The following SNTG1 variants were observed in gnomAD, a reference collection of about 807,000 sequenced individuals.
SNTG1 encodes the protein syntrophin gamma 1, also known as gamma-1-syntrophin.
Under a neutral mutation model 74.7 loss-of-function variants are expected in SNTG1, and 39 were observed. The ratio of observed to expected loss-of-function variants is 0.52; its 90% CI spans 0.40 to 0.68. The LOEUF is 0.68. SNTG1 is among the 30% of genes least tolerant of loss of function. SNTG1 has a pLI of 0.00. For missense variants in SNTG1, 685 were observed against 609.5 expected (o/e 1.12, Z -1.30); for synonymous variants, 254 against 217.1 (o/e 1.17, Z -1.49).
At chr8:50,210,204 G>A (rs1586703347) in intron 2 of SNTG1, among the ~76,000 whole-genome samples, 1 of 152,270 alleles carries the variant, frequency 6.6e-6, no homozygotes, top group South Asian at 2.1e-4. Flanking sequence ...AACAAACAAA[G>A]CCTCCAAGAA....
chr8:50,056,986 A>T (rs567553604), intron 1 of SNTG1, among the ~76,000 whole-genome samples: 1 of 152,176 alleles, frequency 6.6e-6, no homozygotes, highest in Non-Finnish European at 1.5e-5. Context: ...CTTATAATTT[A>T]TTATATCAAA....
chr8:50,533,161 T>C (rs1334137718), intron 10 of SNTG1, among the ~76,000 whole-genome samples: 1 of 152,216 alleles, frequency 6.6e-6, no homozygotes, highest in Non-Finnish European at 1.5e-5. Context: ...ATTCACTGAA[T>C]TTCTTCTCTC....
intron 11 of SNTG1, among the ~76,000 whole-genome samples, chr8:50,549,527 T>A (rs2094411254): frequency 1.3e-5 from 2 of 152,128 alleles, no homozygotes; most frequent in South Asian, 4.1e-4. Context: ...CAGAGAGATA[T>A]TTCTAAAATA....
intron 9 of SNTG1, among the ~76,000 whole-genome samples, chr8:50,526,374 G>A (rs921743958): frequency 2.0e-5 from 3 of 152,168 alleles, no homozygotes; most frequent in African/African-American, 7.2e-5. Flanking sequence ...TTCCAGCTTA[G>A]TGGAAGGGCT....
chr8:50,453,842 C>T lies in SNTG1; in HGVS notation c.363+3113C>T, dbSNP rs557056117. On this transcript the variant is annotated intron_variant, in intron 8 of 18. Transcript: ENST00000642720. ...ATGATGGGCCCTGGGGGGTCACACA[C>T]AGACAGAGCCAATGCTGCTGCTCAG... Among the ~76,000 whole-genome samples the T allele has an allele frequency of 1.7e-3, 256 of 152,258 alleles. 1 individual carries two copies. The highest frequency in any genetic ancestry group is 5.9e-3 in the African/African-American group (245 of 41,534).
At chr8:50,172,966 CA>C (rs557931713) in intron 2 of SNTG1, among the ~76,000 whole-genome samples, 1,528 of 149,672 alleles carry the variant, frequency 0.01, 3 homozygotes, top group Non-Finnish European at 0.015. Context: ...TTTAGTTTTT[CA>C]AAAACACCCT....
intron 1 of SNTG1, among the ~76,000 whole-genome samples, chr8:50,109,894 C>T (rs1261474052): frequency 6.6e-6 from 1 of 152,118 alleles, no homozygotes; most frequent in Non-Finnish European, 1.5e-5. Flanking sequence ...TCTGGAAGTT[C>T]CCACCTTTGT....
intron 12 of SNTG1, among the ~76,000 whole-genome samples, chr8:50,568,071 G>A (rs1217890024): frequency 6.6e-6 from 1 of 151,946 alleles, no homozygotes; most frequent in Non-Finnish European, 1.5e-5. Context: ...GAAAACAACT[G>A]TTTTAGATTC....
chr8:49,978,069 A>G (rs926644774), intron 1 of SNTG1, among the ~76,000 whole-genome samples: 3 of 152,234 alleles, frequency 2.0e-5, no homozygotes, highest in Non-Finnish European at 4.4e-5. Context: ...AACCCAGCTC[A>G]CAACGGTCCA....
chr8:50,685,935 CT>C (rs2095350634), intron 15 of SNTG1, among the ~76,000 whole-genome samples: 2 of 152,128 alleles, frequency 1.3e-5, no homozygotes, highest in African/African-American at 4.8e-5. Context: ...CAATATCACA[CT>C]GTGTTATAGA....
rs1405091743 is a variant in SNTG1, at chr8:50,124,819, G to A, written c.-102-47742G>A. On this transcript the variant is annotated intron_variant, in intron 1 of 18. Transcript: ENST00000642720. Reference sequence around the variant, plus strand: ...ATTGAAGCTTGTTGCTAAAATTCGAGTGTTAAGCAAAAGACAGTATGAGAG... The same window carrying A: ...ATTGAAGCTTGTTGCTAAAATTCGAATGTTAAGCAAAAGACAGTATGAGAG... Among the ~76,000 whole-genome samples the A allele has an allele frequency of 2.8e-5, 4 of 141,184 alleles. 1 individual carries two copies. The Admixed American group carries it at 2.9e-4, about 10-fold the overall frequency. The allele number at this position is 141,184 out of a possible 152,430, so 92.6% of individuals were successfully genotyped here.
intron 2 of SNTG1, among the ~76,000 whole-genome samples, chr8:50,370,662 A>G (rs771046424): frequency 1.2e-4 from 19 of 152,058 alleles, no homozygotes; most frequent in Non-Finnish European, 2.5e-4. Context: ...TTACTAGGCA[A>G]GGTAATGCCA....
intron 2 of SNTG1, among the ~76,000 whole-genome samples, chr8:50,232,966 C>T (rs1457843359): frequency 6.6e-6 from 1 of 151,272 alleles, no homozygotes; most frequent in Non-Finnish European, 1.5e-5. Context: ...TTATAACACT[C>T]AAAATAGTGA....
intron 1 of SNTG1, among the ~76,000 whole-genome samples, chr8:49,997,159 T>G (rs567943966): frequency 5.9e-5 from 9 of 152,164 alleles, no homozygotes; most frequent in Non-Finnish European, 1.0e-4. Context: ...AAATGAACAC[T>G]GAGGAATCAG....
At chr8:50,473,761 A>T (rs1780146490) in intron 8 of SNTG1, among the ~76,000 whole-genome samples, 1 of 152,184 alleles carries the variant, frequency 6.6e-6, no homozygotes, top group South Asian at 2.1e-4. Context: ...CTTTTACATG[A>T]TACAACATGG....
intron 15 of SNTG1, among the ~76,000 whole-genome samples, chr8:50,679,342 C>T (rs1164747074): frequency 1.3e-5 from 2 of 152,048 alleles, no homozygotes; most frequent in African/African-American, 4.8e-5. Flanking sequence ...CCTGATGTTA[C>T]CTGAACTTGA....
intron 15 of SNTG1, among the ~76,000 whole-genome samples, chr8:50,683,711 G>A (rs756772700): frequency 1.7e-4 from 26 of 152,120 alleles, no homozygotes; most frequent in Non-Finnish European, 3.1e-4. Context: ...GCTACTTTAT[G>A]GCTTTTACTA....
chr8:49,937,224 A>G (rs756304756), intron 1 of SNTG1, among the ~76,000 whole-genome samples: 5 of 152,204 alleles, frequency 3.3e-5, no homozygotes, highest in South Asian at 2.1e-4. Flanking sequence ...GGGAAAAAAG[A>G]GTACACATTA....
At chr8:50,180,367 C>G (rs1266183164) in intron 2 of SNTG1, among the ~76,000 whole-genome samples, 2 of 152,064 alleles carry the variant, frequency 1.3e-5, no homozygotes, top group African/African-American at 4.8e-5. Flanking sequence ...CATGAGGACT[C>G]TAGTTCATAA....
Sources: allele counts gnomAD v4.1 joint callset (sites outside exome capture counted in the v4.1 genomes callset), GRCh38; gene constraint gnomAD v4.1.1; transcripts MANE v1.5; gene names NCBI Gene and HGNC (gene_info 2026-07-23, HGNC 2026-07-21).